The following HNRNPLL variants were observed in gnomAD, a reference collection of about 807,000 sequenced individuals.
HNRNPLL encodes heterogeneous nuclear ribonucleoprotein L like.
In HNRNPLL, 25 loss-of-function variants were observed where a neutral mutation model predicts 67.1. The observed-to-expected ratio is 0.37, with a 90% confidence interval of 0.27 to 0.52. HNRNPLL has a LOEUF of 0.52. HNRNPLL is among the 20% of genes least tolerant of loss of function. The probability of loss-of-function intolerance (pLI) is 0.90; values close to 1 mark genes in which losing one functional copy is unlikely to be tolerated. For missense variants in HNRNPLL, 542 were observed against 673.9 expected (o/e 0.80, Z 2.17); for synonymous variants, 267 against 241.7 (o/e 1.10, Z -0.97).
At chr2:38,572,407 G>A (rs1666128400) in intron 8 of HNRNPLL, among the ~76,000 whole-genome samples, 1 of 151,962 alleles carries the variant, frequency 6.6e-6, no homozygotes, top group Non-Finnish European at 1.5e-5. Flanking sequence ...ACTTACTGTT[G>A]CAAAGAACAC....
intron 1 of HNRNPLL, among the ~76,000 whole-genome samples, chr2:38,596,826 C>T (rs1294007055): frequency 1.3e-5 from 2 of 152,016 alleles, no homozygotes; most frequent in East Asian, 3.9e-4. Flanking sequence ...ATCCCAGCTG[C>T]GTACCCAGAA....
intron 1 of HNRNPLL, among the ~76,000 whole-genome samples, chr2:38,592,392 G>C (rs1303826143): frequency 1.3e-5 from 2 of 152,152 alleles, no homozygotes; most frequent in East Asian, 1.9e-4. Context: ...TAGTAGATTT[G>C]TATCATCTTT....
intron 1 of HNRNPLL, chr2:38,600,011 A>G (rs1267745579): frequency 6.7e-6 from 3 of 445,374 alleles, no homozygotes; most frequent in Non-Finnish European, 1.4e-5. Flanking sequence ...ATGTGAACGA[A>G]GAAGCACAAG....
chr2:38,579,717 G>A (rs1175385623), intron 6 of HNRNPLL, among the ~76,000 whole-genome samples: 1 of 150,032 alleles, frequency 6.7e-6, no homozygotes, highest in Non-Finnish European at 1.5e-5. Flanking sequence ...AAAAAAGTGA[G>A]GGTATGTTTT....
chr2:38,585,721 C>A lies in HNRNPLL; in HGVS notation c.469G>T (p.Gly157Ter). 6.2e-7 allele frequency: 1 copy of A among 1,613,986 alleles called. No individual in the cohort carries two copies. Among genetic ancestry groups the A allele is most frequent in the Non-Finnish European group, 8.5e-7 (1 of 1,179,882 alleles). Reference protein sequence around the residue: ...YSTSKRITRPGNTDDPSGGNK... With the variant: ...YSTSKRITRP ...CCTCCTGATGGATCATCAGTATTTC[C>A]TGGCCGAGTGATCCTTTTGCTTGTA... is the stretch of plus-strand genomic sequence containing the variant. The change falls in exon 3 of 13, where the codon GGA becomes TGA. Residue 157 changes from glycine to a stop codon, truncating the protein, a stop_gained. Coordinates refer to ENST00000449105, the MANE Select transcript of HNRNPLL (RefSeq NM_138394.4). LOFTEE classifies it high-confidence loss of function.
intron 7 of HNRNPLL, among the ~76,000 whole-genome samples, chr2:38,574,547 T>C (rs966935938): frequency 1.3e-5 from 2 of 151,666 alleles, no homozygotes; most frequent in African/African-American, 4.9e-5. Context: ...GTCATCTATC[T>C]ACTAAGTGAG....
At chr2:38,576,025 T>G (rs771047896) in intron 7 of HNRNPLL, among the ~76,000 whole-genome samples, 3 of 151,764 alleles carry the variant, frequency 2.0e-5, no homozygotes, top group Non-Finnish European at 4.4e-5. Flanking sequence ...TATCAAAGAA[T>G]TTCACAATAG....
intron 1 of HNRNPLL, among the ~76,000 whole-genome samples, chr2:38,598,832 C>G (rs1355316661): frequency 6.6e-6 from 1 of 152,152 alleles, no homozygotes; most frequent in East Asian, 1.9e-4. Context: ...ATTTCTTTCC[C>G]CAAACTAGGC....
Position 38,602,670 on chromosome 2 carries a change from G to T in HNRNPLL, c.-44C>A. The T allele has an allele frequency of 6.9e-7, 1 of 1,442,968 alleles. No individual in the cohort carries two copies. The highest frequency in any genetic ancestry group is 9.1e-7 in the Non-Finnish European group (1 of 1,104,224). 89.4% of individuals were successfully genotyped at this position (1,442,968 alleles called of 1,614,324 possible). A position where few individuals can be genotyped will look rare whatever the true frequency, so the allele number is the denominator to read the frequency against. On this transcript the variant is annotated 5_prime_UTR_variant, in exon 1 of 13. Coordinates refer to ENST00000449105, the MANE Select transcript of HNRNPLL (RefSeq NM_138394.4). The stretch of plus-strand genomic sequence containing the variant: ...CGGCTGGCAGGCGGGTGGGGGTGGC[G>T]GTGGGGCGCGCGCCTCGGATGCCGC...
intron 9 of HNRNPLL, among the ~76,000 whole-genome samples, 165 bp from the exon 10 acceptor site, chr2:38,569,499 T>G (rs1012577803): frequency 2.0e-5 from 3 of 152,196 alleles, no homozygotes; most frequent in Non-Finnish European, 4.4e-5. Context: ...TCAATCACTC[T>G]TGTAGTTTAG....
chr2:38,566,980 T>G (rs1665887928), intron 12 of HNRNPLL, among the ~76,000 whole-genome samples: 6 of 152,212 alleles, frequency 3.9e-5, no homozygotes, highest in Admixed American at 3.9e-4. Context: ...ACATCTTGAC[T>G]ATAAATAGCT....
chr2:38,563,867 T>C lies in HNRNPLL; in HGVS notation c.*315A>G, dbSNP rs1476850273. On this transcript the variant is annotated 3_prime_UTR_variant, in exon 13 of 13. Coordinates refer to ENST00000449105, the MANE Select transcript of HNRNPLL (RefSeq NM_138394.4). ...TACACAATGAAAAAATACTTGCAGA[T>C]AATTAGCATTAAGAATGCAAATATA... 4.6e-6 allele frequency: 1 copy of C among 216,790 alleles called. No individual in the cohort carries two copies. Among genetic ancestry groups the C allele is most frequent in the Non-Finnish European group, 9.0e-6 (1 of 110,772 alleles). The allele number at this position is 216,790 out of a possible 1,614,324, so 13.4% of individuals were successfully genotyped here. A position where few individuals can be genotyped will look rare whatever the true frequency, so the allele number is the denominator to read the frequency against.
In HNRNPLL at chr2:38,602,509, C is replaced by T. The variant is rs144672094; in HGVS notation, c.118G>A (p.Glu40Lys). Residue 40 changes from glutamate (E) to lysine (K), a missense_variant, in exon 1 of 13, where the codon GAG becomes AAG. Coordinates refer to ENST00000449105, the MANE Select transcript of HNRNPLL (RefSeq NM_138394.4). ...CGGGGCGTCGCTTCCCGGCGGTTCT[C>T]GCCTTCCTCGGCCGAGTAGTCGATC... is the stretch of plus-strand genomic sequence containing the variant. ...GEIDYSAEEG[E>K]NRREATPRGG... 2.5e-5 allele frequency: 39 copies of T among 1,549,970 alleles called. No individual in the cohort carries two copies. In the African/African-American group the frequency reaches 4.6e-4, roughly 18 times the overall value.
At chr2:38,599,040 T>C (rs1667320255) in intron 1 of HNRNPLL, among the ~76,000 whole-genome samples, 1 of 152,270 alleles carries the variant, frequency 6.6e-6, no homozygotes, top group African/African-American at 2.4e-5. Context: ...CCAACCCATA[T>C]GCATCTAACA....
chr2:38,585,323 T>C (rs1195540833), intron 3 of HNRNPLL, among the ~76,000 whole-genome samples: 1 of 152,236 alleles, frequency 6.6e-6, no homozygotes, highest in East Asian at 1.9e-4. Context: ...CTTATATATA[T>C]GCTGGCATAT....
chr2:38,581,799 CA>C, intron 6 of HNRNPLL, 113 bp downstream of exon 6: 2 of 725,948 alleles, frequency 2.8e-6, no homozygotes, highest in Non-Finnish European at 4.8e-6. Context: ...CAAAAGCATT[CA>C]TCAACAAGGT....
At chr2:38,565,246 T>C (rs1665811411) in intron 12 of HNRNPLL, among the ~76,000 whole-genome samples, 1 of 152,008 alleles carries the variant, frequency 6.6e-6, no homozygotes, top group South Asian at 2.1e-4. Context: ...TACAAGACAC[T>C]GCAGAGGATA....
rs549969627 is a variant in HNRNPLL, at chr2:38,578,444, A to G, written c.803-912T>C. On this transcript the variant is annotated intron_variant, in intron 6 of 12. Transcript: ENST00000449105. The stretch of plus-strand genomic sequence containing the variant: ...ACAGTGCCCAATAAGATTTTTAAAA[A>G]TATGTATCTCAAGACTCTGGTCATT... 1.8e-4 allele frequency among the ~76,000 whole-genome samples: 27 copies of G among 152,214 alleles called. No individual in the cohort carries two copies. In the South Asian group the frequency reaches 5.6e-3, roughly 32 times the overall value.
At chr2:38,597,787 T>C (rs1326592936) in intron 1 of HNRNPLL, among the ~76,000 whole-genome samples, 1 of 152,044 alleles carries the variant, frequency 6.6e-6, no homozygotes, top group Non-Finnish European at 1.5e-5. Context: ...CCCTCCAGGT[T>C]TAGCAATTCT....
Sources: gnomAD v4.1 joint callset for allele counts (sites outside exome capture counted in the v4.1 genomes callset) on GRCh38, gnomAD v4.1.1 for gene constraint, MANE v1.5 for transcripts, NCBI Gene and HGNC (gene_info 2026-07-23, HGNC 2026-07-21) for gene names.